Variants in SIPA1L2 observed in about 807,000 individuals in gnomAD.
SIPA1L2 encodes signal induced proliferation associated 1 like 2, also known as signal-induced proliferation-associated 1-like protein 2.
Under a neutral mutation model 163.9 loss-of-function variants are expected in SIPA1L2, and 56 were observed. That is an observed-to-expected ratio of 0.34 (90% CI 0.28 to 0.43). The LOEUF is 0.43. SIPA1L2 is among the 20% of genes least tolerant of loss of function. The probability of loss-of-function intolerance (pLI) is 1.00; values close to 1 mark genes in which losing one functional copy is unlikely to be tolerated. For missense variants in SIPA1L2, 1,974 were observed against 2,193.5 expected, an observed-to-expected ratio of 0.90 and a Z score of 2.00; for synonymous variants, 877 against 865.7, an observed-to-expected ratio of 1.01 and a Z score of -0.23.
At chr1:232,596,930 G>T (rs548277518) in intron 1 of SIPA1L2, among the ~76,000 whole-genome samples, 1 of 152,328 alleles carries the variant, frequency 6.6e-6, no homozygotes, top group South Asian at 2.1e-4. Context: ...CATGCCACCT[G>T]GGCCCAGTAA....
intron 10 of SIPA1L2, 55 bp from the exon 11 acceptor site, chr1:232,445,841 A>C: frequency 6.3e-7 from 1 of 1,577,276 alleles, no homozygotes. Context: ...AGCTGTCAGC[A>C]TGGCTTACTC....
chr1:232,439,595 A>G (rs1156964800), intron 14 of SIPA1L2, 99 bp from the exon 15 acceptor site: 3 of 1,384,240 alleles, frequency 2.2e-6, no homozygotes. Context: ...ATCGCACCCA[A>G]GCCCTTTCTA....
chr1:232,586,702 C>G (rs976250131), intron 1 of SIPA1L2, among the ~76,000 whole-genome samples: 4 of 152,218 alleles, frequency 2.6e-5, no homozygotes, highest in Non-Finnish European at 5.9e-5. Context: ...CCAAGAAAAA[C>G]ACACTTGTGA....
chr1:232,442,708 G>C (rs1341539056), intron 12 of SIPA1L2, among the ~76,000 whole-genome samples: 2 of 152,050 alleles, frequency 1.3e-5, no homozygotes, highest in Non-Finnish European at 1.5e-5. Flanking sequence ...GAAGACCTTG[G>C]TTTACAGAAA....
intron 2 of SIPA1L2, among the ~76,000 whole-genome samples, chr1:232,566,704 C>T (rs192929700): frequency 8.1e-4 from 123 of 152,274 alleles, no homozygotes; most frequent in Middle Eastern, 3.4e-3. Context: ...GTTGAAGATT[C>T]GGCAAAACAG....
chr1:232,612,559 T>G (rs556115531), intron 1 of SIPA1L2, among the ~76,000 whole-genome samples: 169 of 152,328 alleles, frequency 1.1e-3, no homozygotes, highest in African/African-American at 4.0e-3. Context: ...AGTTTTAACA[T>G]TTGACTGCCC....
chr1:232,575,537 A>C (rs1369909473), intron 1 of SIPA1L2, among the ~76,000 whole-genome samples: 1 of 152,210 alleles, frequency 6.6e-6, no homozygotes, highest in African/African-American at 2.4e-5. Flanking sequence ...GGGTGGGGAA[A>C]GAAATTCTCA....
chr1:232,572,697 A>G (rs1659809515), intron 2 of SIPA1L2, among the ~76,000 whole-genome samples: 1 of 41,956 alleles, frequency 2.4e-5, no homozygotes, highest in Non-Finnish European at 3.8e-5. Context: ...ATACATACAT[A>G]TATATATATA....
chr1:232,483,992 C>G, intron 5 of SIPA1L2, 26 bp from the exon 6 acceptor site: 2 of 1,591,350 alleles, frequency 1.3e-6, no homozygotes, highest in Non-Finnish European at 1.7e-6. Context: ...AATATAATTA[C>G]TTGGCAAAGC....
At chr1:232,529,360 T>C (rs1667864332) in intron 2 of SIPA1L2, among the ~76,000 whole-genome samples, 1 of 152,242 alleles carries the variant, frequency 6.6e-6, no homozygotes, top group South Asian at 2.1e-4. Context: ...ATACGTTGTG[T>C]TCCTTTACTA....
chr1:232,404,059 G>C lies in SIPA1L2; in HGVS notation c.4816+66C>G, dbSNP rs1356407019. 1.9e-6 allele frequency: 3 copies of C among 1,569,362 alleles called. No homozygotes were observed. The African/African-American group carries it at 4.1e-5, about 21-fold the overall frequency. The stretch of plus-strand genomic sequence containing the variant: ...GCGTGAATAACCATGCAGACGTGCA[G>C]ACACATGAAATATACAGAAAAGGTT... On this transcript the variant is annotated intron_variant, in intron 20 of 22. Transcript: ENST00000674635.
chr1:232,624,774 G>A (rs1662988974), intron 1 of SIPA1L2, among the ~76,000 whole-genome samples: 1 of 152,146 alleles, frequency 6.6e-6, no homozygotes, highest in South Asian at 2.1e-4. Flanking sequence ...TTGGCTAAAT[G>A]TTTATTAGTA....
At chr1:232,508,810 G>T (rs1666850337) in intron 3 of SIPA1L2, among the ~76,000 whole-genome samples, 1 of 152,188 alleles carries the variant, frequency 6.6e-6, no homozygotes, top group African/African-American at 2.4e-5. Flanking sequence ...AAGCTGTTTT[G>T]GCTGGGTGCG....
chr1:232,561,738 C>A (rs912487087), intron 2 of SIPA1L2, among the ~76,000 whole-genome samples: 1 of 152,142 alleles, frequency 6.6e-6, no homozygotes, highest in Non-Finnish European at 1.5e-5. Context: ...CTTATCATTG[C>A]CAGGCTTTGA....
chr1:232,558,201 C>A (rs1468979394), intron 2 of SIPA1L2, among the ~76,000 whole-genome samples: 7 of 152,198 alleles, frequency 4.6e-5, no homozygotes, highest in Non-Finnish European at 1.0e-4. Flanking sequence ...TAAGATTTGA[C>A]TGTATCCTAA....
intron 2 of SIPA1L2, among the ~76,000 whole-genome samples, chr1:232,549,113 T>C (rs789664): frequency 0.55 from 84,049 of 152,060 alleles, 24,302 homozygotes; most frequent in East Asian, 0.86. Context: ...TCATGCTGGG[T>C]CTGTGCCACC....
chr1:232,408,032 C>G (rs1230093500), intron 19 of SIPA1L2, among the ~76,000 whole-genome samples: 1 of 152,120 alleles, frequency 6.6e-6, no homozygotes, highest in Non-Finnish European at 1.5e-5. Context: ...TGACATGATT[C>G]TACGTAACAA....
At chr1:232,548,137 T>A (rs1658150479) in intron 2 of SIPA1L2, among the ~76,000 whole-genome samples, 1 of 152,180 alleles carries the variant, frequency 6.6e-6, no homozygotes, top group Non-Finnish European at 1.5e-5. Context: ...AGTAATTACT[T>A]GAGTAAAAGA....
At chr1:232,607,189 A>G (rs1661967726) in intron 1 of SIPA1L2, among the ~76,000 whole-genome samples, 1 of 136,598 alleles carries the variant, frequency 7.3e-6, no homozygotes, top group Admixed American at 7.5e-5. Flanking sequence ...AATTACACAT[A>G]ACACAACCAC....
Sources: gnomAD v4.1 joint callset for allele counts (sites outside exome capture counted in the v4.1 genomes callset) on GRCh38, gnomAD v4.1.1 for gene constraint, MANE v1.5 for transcripts, NCBI Gene and HGNC (gene_info 2026-07-23, HGNC 2026-07-21) for gene names.